Variants in DOCK1 observed in about 807,000 individuals in gnomAD.
DOCK1 encodes dedicator of cytokinesis 1.
Under a neutral mutation model 262.7 loss-of-function variants are expected in DOCK1, and 138 were observed. The ratio of observed to expected loss-of-function variants is 0.53; its 90% CI spans 0.46 to 0.61. The LOEUF (loss-of-function observed/expected upper bound fraction) is 0.61. DOCK1 is among the 20% of genes least tolerant of loss of function. The pLI is 0.00. For missense variants in DOCK1, 1,908 were observed against 2,370.7 expected (o/e 0.80, Z 4.05); for synonymous variants, 866 against 867.4 (o/e 1.00, Z 0.03).
chr10:127,349,595 C>CA (rs1210045053), intron 31 of DOCK1, among the ~76,000 whole-genome samples: 6 of 152,156 alleles, frequency 3.9e-5, no homozygotes, highest in Non-Finnish European at 7.4e-5. Flanking sequence ...CCATCATATC[C>CA]ATTTCCTAGG....
At chr10:127,288,808 T>A (rs4394750) in intron 29 of DOCK1, among the ~76,000 whole-genome samples, 2 of 136,976 alleles carry the variant, frequency 1.5e-5, no homozygotes, top group Non-Finnish European at 3.2e-5. Context: ...CACACACACA[T>A]AAAATAGTTT....
At chr10:127,105,429 G>T (rs1196944842) in intron 23 of DOCK1, among the ~76,000 whole-genome samples, 1 of 152,046 alleles carries the variant, frequency 6.6e-6, no homozygotes, top group East Asian at 1.9e-4. Flanking sequence ...CATTACTAAA[G>T]AACAAAATGA....
At chr10:127,301,281 C>T (rs1214285192) in intron 29 of DOCK1, among the ~76,000 whole-genome samples, 2 of 152,262 alleles carry the variant, frequency 1.3e-5, no homozygotes, top group African/African-American at 2.4e-5. Flanking sequence ...AGGTTTCTCC[C>T]GGGCTGCTTT....
chr10:127,159,692 G>T (rs1217895753), intron 27 of DOCK1, among the ~76,000 whole-genome samples: 2 of 152,116 alleles, frequency 1.3e-5, no homozygotes, highest in East Asian at 1.9e-4. Flanking sequence ...TCCTTTTACG[G>T]ACCGTTGGCA....
At chr10:127,225,993 G>A (rs530168817) in intron 27 of DOCK1, among the ~76,000 whole-genome samples, 5 of 150,624 alleles carry the variant, frequency 3.3e-5, no homozygotes, top group East Asian at 4.0e-4. Context: ...CAGGAGAATC[G>A]ATTGAACTTG....
intron 27 of DOCK1, among the ~76,000 whole-genome samples, chr10:127,207,703 A>G (rs1474222060): frequency 6.6e-6 from 1 of 152,212 alleles, no homozygotes; most frequent in Non-Finnish European, 1.5e-5. Flanking sequence ...AGGCCATAAC[A>G]TCGTAACATT....
chr10:127,386,759 G>A (rs912177626), intron 38 of DOCK1, among the ~76,000 whole-genome samples: 1 of 152,054 alleles, frequency 6.6e-6, no homozygotes, highest in African/African-American at 2.4e-5. Flanking sequence ...GAATCATCCT[G>A]AAACCATCCC....
At chr10:127,112,425 G>A (rs1468093268) in intron 25 of DOCK1, among the ~76,000 whole-genome samples, 1 of 152,138 alleles carries the variant, frequency 6.6e-6, no homozygotes, top group East Asian at 1.9e-4. Context: ...TTGTAATTGT[G>A]TTCTGTCCCT....
chr10:127,277,001 G>A (rs1367704239), intron 29 of DOCK1, among the ~76,000 whole-genome samples: 4 of 152,124 alleles, frequency 2.6e-5, no homozygotes, highest in Non-Finnish European at 5.9e-5. Context: ...ATGTGGAGGG[G>A]CCTCATCTCT....
chr10:127,311,924 G>A (rs1282410468), intron 29 of DOCK1, among the ~76,000 whole-genome samples: 2 of 151,800 alleles, frequency 1.3e-5, no homozygotes, highest in African/African-American at 2.4e-5. Flanking sequence ...GAGTGCAGTG[G>A]GGCGATCTCA....
intron 3 of DOCK1, among the ~76,000 whole-genome samples, chr10:126,978,365 C>T (rs1235809754): frequency 6.6e-6 from 1 of 152,152 alleles, no homozygotes; most frequent in Non-Finnish European, 1.5e-5. Context: ...AATAGATTAG[C>T]AAATTTGCAA....
intron 47 of DOCK1, among the ~76,000 whole-genome samples, chr10:127,431,924 G>A (rs923309459): frequency 2.0e-5 from 3 of 152,132 alleles, no homozygotes; most frequent in South Asian, 2.1e-4. Context: ...GGTGAGCGGC[G>A]GGTGAGGGAG....
intron 29 of DOCK1, among the ~76,000 whole-genome samples, chr10:127,275,952 G>A (rs1348429705): frequency 6.6e-6 from 1 of 152,234 alleles, no homozygotes; most frequent in Non-Finnish European, 1.5e-5. Context: ...ATGGCGTACA[G>A]GCCGCGTTGG....
At chr10:127,399,076 G>A (rs2067077276) in intron 38 of DOCK1, among the ~76,000 whole-genome samples, 1 of 152,206 alleles carries the variant, frequency 6.6e-6, no homozygotes, top group African/African-American at 2.4e-5. Flanking sequence ...AAGAGAACAC[G>A]TCTCGTATCA....
chr10:127,397,037 CGGCGACTCCTATGTGATCTGAGCATG>C, intron 38 of DOCK1, among the ~76,000 whole-genome samples: 1 of 133,610 alleles, frequency 7.5e-6, no homozygotes, highest in South Asian at 2.4e-4. Context: ...GTTACACGGG[CGGCGACTCCTATGTGATCTGAGCATG>C]AGTTACACGG....
intron 38 of DOCK1, among the ~76,000 whole-genome samples, chr10:127,389,456 A>G (rs1220074697): frequency 6.6e-6 from 1 of 152,096 alleles, no homozygotes. Flanking sequence ...ATCTTGGGGG[A>G]AAAATACTTT....
At chr10:127,374,288 C>T (rs988115442) in intron 35 of DOCK1, 74 bp downstream of exon 35, 1 of 1,495,440 alleles carries the variant, frequency 6.7e-7, no homozygotes, top group South Asian at 1.4e-5. Context: ...TGCCCCAGCC[C>T]TTATCTATGA....
intron 25 of DOCK1, among the ~76,000 whole-genome samples, chr10:127,111,147 T>C (rs957842628): frequency 2.6e-5 from 4 of 152,224 alleles, no homozygotes; most frequent in Admixed American, 2.6e-4. Flanking sequence ...ACTTGGGATG[T>C]CCCTGTTAAG....
chr10:127,382,618 A>G (rs1391207735), intron 37 of DOCK1, among the ~76,000 whole-genome samples: 1 of 152,192 alleles, frequency 6.6e-6, no homozygotes, highest in Non-Finnish European at 1.5e-5. Context: ...CAGCTATCCC[A>G]CTATGAATTC....
Sources: gnomAD v4.1 joint callset for allele counts (sites outside exome capture counted in the v4.1 genomes callset) on GRCh38, gnomAD v4.1.1 for gene constraint, MANE v1.5 for transcripts, NCBI Gene and HGNC (gene_info 2026-07-23, HGNC 2026-07-21) for gene names.